PAM: variants seen among roughly 807,000 people sequenced by gnomAD.
The protein encoded by PAM is peptidyl-glycine alpha-amidating monooxygenase.
PAM carries 72 observed loss-of-function variants against 122.1 expected under a neutral mutation model. The observed-to-expected ratio is 0.59, with a 90% confidence interval of 0.49 to 0.72. The LOEUF is 0.72. Among genes scored for constraint, PAM ranks in the 30% least tolerant of loss-of-function variants. The pLI is 0.00. For missense variants in PAM, 1,106 were observed against 1,183.7 expected (o/e 0.93, Z 0.96); for synonymous variants, 389 against 404.4 (o/e 0.96, Z 0.46).
intron 1 of PAM, among the ~76,000 whole-genome samples, chr5:102,848,649 C>G (rs1348357812): frequency 6.6e-6 from 1 of 152,036 alleles, no homozygotes; most frequent in Non-Finnish European, 1.5e-5. Context: ...GAGAAAAGAA[C>G]TCAGCTGAAA....
At chr5:102,967,214 C>T (rs559339601) in intron 14 of PAM, among the ~76,000 whole-genome samples, 1 of 152,112 alleles carries the variant, frequency 6.6e-6, no homozygotes, top group Non-Finnish European at 1.5e-5. Flanking sequence ...AACTTAGGAA[C>T]TTTAATTGGT....
chr5:102,927,073 G>C (rs1388036248), intron 7 of PAM, among the ~76,000 whole-genome samples: 1 of 150,548 alleles, frequency 6.6e-6, no homozygotes, highest in Non-Finnish European at 1.5e-5. Context: ...AATACCAAAG[G>C]GGTTCTCAAA....
At chr5:102,909,286 C>G (rs1800668089) in intron 4 of PAM, among the ~76,000 whole-genome samples, 2 of 151,800 alleles carry the variant, frequency 1.3e-5, no homozygotes, top group Admixed American at 1.3e-4. Context: ...GGTGATACAG[C>G]TAAACTCACA....
intron 15 of PAM, among the ~76,000 whole-genome samples, chr5:102,979,530 G>T (rs1317971629): frequency 6.7e-6 from 1 of 149,946 alleles, no homozygotes; most frequent in East Asian, 1.9e-4. Context: ...AAGTCTTCTA[G>T]TGATTTTTTT....
chr5:103,025,908 A>G (rs1437047539), intron 24 of PAM, among the ~76,000 whole-genome samples: 1 of 152,208 alleles, frequency 6.6e-6, no homozygotes, highest in Non-Finnish European at 1.5e-5. Context: ...AGTACTCAAT[A>G]CCACCAATGG....
intron 1 of PAM, among the ~76,000 whole-genome samples, chr5:102,778,316 G>C (rs1757726145): frequency 6.6e-6 from 1 of 152,066 alleles, no homozygotes. Flanking sequence ...CATTGTCAAA[G>C]GCAAACAGTT....
At chr5:102,794,144 C>T (rs1190590983) in intron 1 of PAM, among the ~76,000 whole-genome samples, 1 of 152,192 alleles carries the variant, frequency 6.6e-6, no homozygotes, top group East Asian at 1.9e-4. Context: ...ATAGTTTAAA[C>T]ATGTATACCT....
intron 1 of PAM, among the ~76,000 whole-genome samples, chr5:102,837,247 C>A (rs532949822): frequency 6.6e-6 from 1 of 152,166 alleles, no homozygotes; most frequent in African/African-American, 2.4e-5. Context: ...TCATCATCTT[C>A]GTACCACACA....
chr5:102,955,441 GC>G (rs1163753279), intron 12 of PAM, among the ~76,000 whole-genome samples: 11 of 151,698 alleles, frequency 7.3e-5, no homozygotes, highest in Admixed American at 1.3e-4. Context: ...GGGCAAACAT[GC>G]TATGTCATAT....
rs920557545 is a variant in PAM at position 102,949,578 on chromosome 5, A to G, written c.685A>G (p.Met229Val). The G allele has an allele frequency of 1.9e-6, 3 of 1,554,624 alleles. No homozygotes were observed. The highest frequency in any genetic ancestry group is 1.1e-5 in the South Asian group (1 of 89,906). Residue 229 changes from methionine to valine, a missense_variant, in exon 10 of 26, where the codon ATG (methionine) becomes GTG (valine). Coordinates refer to ENST00000438793, the MANE Select transcript of PAM (RefSeq NM_001177306.2). ...TTCATGCCATTATAAAAATTATCCA[A>G]TGCATGTCTTTGCCTATAGAGTTCA... ...DISCHYKNYP[M>V]HVFAYRVHTH...
Position 103,007,060 on chromosome 5 carries a change from A to G in PAM, c.2014+49A>G, listed in dbSNP as rs915987018. On this transcript the variant is annotated intron_variant, in intron 19 of 25. Transcript: ENST00000438793. Reference sequence around the variant, plus strand: ...CCAGTTGTAATTCTTAGCCAGTATCACTGGGAACTAAATATTGGCCAACAC... The same window carrying G: ...CCAGTTGTAATTCTTAGCCAGTATCGCTGGGAACTAAATATTGGCCAACAC... 2.2e-6 allele frequency: 3 copies of G among 1,339,704 alleles called. No homozygotes were observed. The African/African-American group carries it at 4.3e-5, about 19-fold the overall frequency. 83.0% of individuals were successfully genotyped at this position (1,339,704 alleles called of 1,614,324 possible). A position where few individuals can be genotyped will look rare whatever the true frequency, so the allele number is the denominator to read the frequency against.
intron 1 of PAM, among the ~76,000 whole-genome samples, chr5:102,762,787 G>A (rs146328017): frequency 1.3e-5 from 2 of 152,148 alleles, no homozygotes; most frequent in African/African-American, 2.4e-5. Context: ...AATCAGGAGC[G>A]AAGTGGTTCT....
At chr5:103,026,540 A>C (rs1029133689) in intron 24 of PAM, among the ~76,000 whole-genome samples, 1 of 152,238 alleles carries the variant, frequency 6.6e-6, no homozygotes, top group Non-Finnish European at 1.5e-5. Flanking sequence ...TCCATGTTAC[A>C]GATCTGGAAC....
chr5:102,801,872 G>A (rs1188280196), intron 1 of PAM, among the ~76,000 whole-genome samples: 8 of 143,656 alleles, frequency 5.6e-5, no homozygotes, highest in African/African-American at 2.1e-4. Context: ...TCCGCCTCCT[G>A]GGTTCACGCC....
At chr5:102,999,095 G>A (rs987287380) in intron 16 of PAM, among the ~76,000 whole-genome samples, 3 of 152,202 alleles carry the variant, frequency 2.0e-5, no homozygotes, top group African/African-American at 7.2e-5. Context: ...CAGATCGCAT[G>A]AGAACCTGCT....
intron 1 of PAM, among the ~76,000 whole-genome samples, chr5:102,827,453 C>G (rs935567185): frequency 1.6e-4 from 25 of 152,186 alleles, no homozygotes; most frequent in African/African-American, 5.8e-4. Flanking sequence ...TTTTTATACA[C>G]CTTCCTGATA....
chr5:102,961,598 A>G lies in PAM; in HGVS notation c.1162+369A>G, dbSNP rs147013647. Among the ~76,000 whole-genome samples, 116 of 152,044 alleles carry G rather than the reference A, an allele frequency of 7.6e-4. 2 individuals are homozygous for G. In the East Asian group the frequency reaches 0.019, roughly 24 times the overall value. Reference sequence around the variant, plus strand: ...ATTGTATATTTTGTATGGTATGTTCATTAAGTAGATTTGAGATTCAAGAAA... The same window carrying G: ...ATTGTATATTTTGTATGGTATGTTCGTTAAGTAGATTTGAGATTCAAGAAA... On this transcript the variant is annotated intron_variant, in intron 14 of 25. Coordinates refer to ENST00000438793, the MANE Select transcript of PAM (RefSeq NM_001177306.2).
At chr5:103,024,481 G>A (rs1243429862) in intron 23 of PAM, among the ~76,000 whole-genome samples, 1 of 152,052 alleles carries the variant, frequency 6.6e-6, no homozygotes, top group East Asian at 1.9e-4. Context: ...ATATAAAAGA[G>A]CCTGAAAAGC....
At chr5:102,977,301 G>A (rs1032435667) in intron 15 of PAM, among the ~76,000 whole-genome samples, 5 of 152,044 alleles carry the variant, frequency 3.3e-5, no homozygotes, top group Admixed American at 6.6e-5. Flanking sequence ...ACCTCGTTAC[G>A]GGTTGGATAT....
Sources: gnomAD v4.1 joint callset for allele counts (sites outside exome capture counted in the v4.1 genomes callset) on GRCh38, gnomAD v4.1.1 for gene constraint, MANE v1.5 for transcripts, NCBI Gene and HGNC (gene_info 2026-07-23, HGNC 2026-07-21) for gene names.